The following ROCK2 variants were observed in gnomAD, a reference collection of about 807,000 sequenced individuals.
The protein encoded by ROCK2 is Rho associated coiled-coil containing protein kinase 2, also known as rho-associated protein kinase 2.
In ROCK2, 61 loss-of-function variants were observed where a neutral mutation model predicts 195.1. The observed-to-expected ratio is 0.31, with a 90% CI of 0.25 to 0.39. The LOEUF is 0.39. Ranked by LOEUF, ROCK2 falls within the 10% of genes least tolerant of loss-of-function variation. ROCK2 has a pLI of 1.00. For missense variants in ROCK2, 1,109 were observed against 1,637.4 expected, an observed-to-expected ratio of 0.68 and a Z score of 5.57; for synonymous variants, 504 against 545.5, an observed-to-expected ratio of 0.92 and a Z score of 1.06.
chr2:11,222,952 C>T (rs1456718261), intron 7 of ROCK2, among the ~76,000 whole-genome samples: 1 of 152,132 alleles, frequency 6.6e-6, no homozygotes, highest in East Asian at 1.9e-4. Context: ...ATGAATAACA[C>T]TCCTTTCATT....
chr2:11,214,435 T>C lies in ROCK2; in HGVS notation c.1965A>G (p.Leu655=). The C allele has an allele frequency of 6.2e-7, 1 of 1,608,992 alleles. No homozygotes were observed. Among genetic ancestry groups the C allele is most frequent in the Non-Finnish European group, 8.5e-7 (1 of 1,176,028 alleles). ...QGRICGLEED[L]KNGKILLAKV... is the part of the protein sequence containing the mutation. ...TCGCTAGTAAGATTTTGCCGTTCTT[T>C]AAATCTTCTTCTAGGCCACATATTC... Residue 655 remains leucine, a synonymous_variant, in exon 17 of 33, where the codon TTA becomes TTG. Transcript: ENST00000315872.
intron 17 of ROCK2, among the ~76,000 whole-genome samples, chr2:11,212,837 T>C (rs549220005): frequency 6.6e-6 from 1 of 152,240 alleles, no homozygotes; most frequent in East Asian, 1.9e-4. Context: ...GCTACTTACA[T>C]ACCAATGACT....
chr2:11,220,935 G>A (rs555711706), intron 9 of ROCK2, among the ~76,000 whole-genome samples: 1 of 152,232 alleles, frequency 6.6e-6, no homozygotes, highest in South Asian at 2.1e-4. Flanking sequence ...TCCTTCACGA[G>A]ATGACAAGCT....
At chr2:11,229,104 G>C (rs899990510) in intron 5 of ROCK2, among the ~76,000 whole-genome samples, 1 of 152,056 alleles carries the variant, frequency 6.6e-6, no homozygotes, top group Non-Finnish European at 1.5e-5. Context: ...ACTTGGGTAG[G>C]ACTAAAGATT....
At chr2:11,241,231 C>A (rs1044383772) in intron 4 of ROCK2, among the ~76,000 whole-genome samples, 1 of 151,990 alleles carries the variant, frequency 6.6e-6, no homozygotes, top group Non-Finnish European at 1.5e-5. Context: ...GAAGTTAGAG[C>A]AGATACTGTA....
chr2:11,340,856 T>C (rs1405624448), intron 1 of ROCK2, among the ~76,000 whole-genome samples: 1 of 152,204 alleles, frequency 6.6e-6, no homozygotes, highest in African/African-American at 2.4e-5. Context: ...TACCCAAGCG[T>C]GAGTCCTACA....
chr2:11,288,742 GGGGGAAAACAT>G (rs1011737274), intron 1 of ROCK2, among the ~76,000 whole-genome samples: 12 of 147,478 alleles, frequency 8.1e-5, no homozygotes, highest in African/African-American at 2.4e-4. Context: ...GACTTGGATA[GGGGGAAAACAT>G]GGGGAAAATT....
At position 11,208,427 on chromosome 2, in the gene ROCK2, C is replaced by A; in HGVS notation, c.2224G>T (p.Glu742Ter). The change falls in exon 19 of 33, where the codon GAG becomes TAG. Residue 742 changes from glutamate to a stop codon, truncating the protein, a stop_gained. Coordinates refer to ENST00000315872, the MANE Select transcript of ROCK2 (RefSeq NM_004850.5). LOFTEE classifies it high-confidence loss of function. ...ACTTTCTGTTTTAAAGTTCTTTCCT[C>A]CAAGAGCTTCTTCTCCATTTCTAGT... is the stretch of plus-strand genomic sequence containing the variant. ...AMKEMEKKLL[E>*]ERTLKQKVEN... 6.6e-7 allele frequency: 1 copy of A among 1,513,914 alleles called. No homozygotes were observed. Among genetic ancestry groups the A allele is most frequent in the South Asian group, 1.4e-5 (1 of 72,664 alleles). The allele number at this position is 1,513,914 out of a possible 1,614,324, so 93.8% of individuals were successfully genotyped here. A position where few individuals can be genotyped will look rare whatever the true frequency, so the allele number is the denominator to read the frequency against.
At chr2:11,323,629 T>A (rs920829846) in intron 1 of ROCK2, among the ~76,000 whole-genome samples, 1 of 152,180 alleles carries the variant, frequency 6.6e-6, no homozygotes, top group African/African-American at 2.4e-5. Context: ...CATATTTGAA[T>A]TCGTAAGTAT....
chr2:11,215,246 C>A, intron 15 of ROCK2, 75 bp downstream of exon 15: 1 of 1,413,618 alleles, frequency 7.1e-7, no homozygotes, highest in Non-Finnish European at 9.6e-7. Flanking sequence ...CCTTTTGCAA[C>A]ACTGTCAATT....
In ROCK2 at chr2:11,319,975, A is replaced by G. The variant is rs141080360; in HGVS notation, c.141+24021T>C. ...ATTCAGGGTGGATCCAGTGGCTCCAATGATAATCAGGGACCTAAGCTCCTC... is the reference window on the plus strand; with the variant it reads ...ATTCAGGGTGGATCCAGTGGCTCCAGTGATAATCAGGGACCTAAGCTCCTC... On this transcript the variant is annotated intron_variant, in intron 1 of 32. Transcript: ENST00000315872. Among the ~76,000 whole-genome samples, 162 of 152,304 alleles carry G rather than the reference A, an allele frequency of 1.1e-3. 1 individual carries two copies. The highest frequency in any genetic ancestry group is 9.5e-3 in the East Asian group (49 of 5,182).
chr2:11,264,250 T>G (rs373437668), intron 3 of ROCK2, among the ~76,000 whole-genome samples: 1 of 152,020 alleles, frequency 6.6e-6, no homozygotes, highest in Non-Finnish European at 1.5e-5. Flanking sequence ...AAGTGGAAAA[T>G]AGAATGCAAA....
intron 3 of ROCK2, among the ~76,000 whole-genome samples, chr2:11,280,845 A>C (rs1666977888): frequency 6.6e-6 from 1 of 152,230 alleles, no homozygotes; most frequent in Admixed American, 6.5e-5. Flanking sequence ...TTAAAGGAAG[A>C]AATTATCTAT....
chr2:11,242,366 G>T (rs1665456955), intron 4 of ROCK2, among the ~76,000 whole-genome samples: 1 of 152,000 alleles, frequency 6.6e-6, no homozygotes, highest in South Asian at 2.1e-4. Context: ...TACTATAAAA[G>T]GAGTCAGAAG....
At chr2:11,185,242 C>T (rs73915395) in intron 32 of ROCK2, among the ~76,000 whole-genome samples, 3,690 of 152,202 alleles carry the variant, frequency 0.024, 62 homozygotes, top group East Asian at 0.053. Context: ...CCAGTAGGAC[C>T]CTGCCTGCTC....
intron 4 of ROCK2, among the ~76,000 whole-genome samples, chr2:11,240,530 T>C (rs1185797060): frequency 6.6e-6 from 1 of 152,234 alleles, no homozygotes; most frequent in Non-Finnish European, 1.5e-5. Flanking sequence ...TAACATATTG[T>C]ATGATTCCAT....
intron 17 of ROCK2, among the ~76,000 whole-genome samples, chr2:11,213,355 C>G (rs1355037626): frequency 2.0e-5 from 3 of 152,106 alleles, no homozygotes; most frequent in African/African-American, 7.2e-5. Context: ...TATTCGCTAT[C>G]TTGCATGATC....
At chr2:11,278,223 G>T (rs1666890918) in intron 3 of ROCK2, among the ~76,000 whole-genome samples, 1 of 152,080 alleles carries the variant, frequency 6.6e-6, no homozygotes, top group African/African-American at 2.4e-5. Flanking sequence ...CTTTGACAAA[G>T]ATCTCCCTAG....
intron 4 of ROCK2, among the ~76,000 whole-genome samples, chr2:11,238,245 T>TGTGTGTGTGTGTGTGTGTGTGTG (rs11377542): frequency 3.9e-4 from 15 of 38,430 alleles, no homozygotes; most frequent in African/African-American, 9.3e-4. Flanking sequence ...TGTGTGTCTG[T>TGTGTGTGTGTGTGTGTGTGTGTG]TGTGTGTGTC....
Sources: gnomAD v4.1 joint callset for allele counts (sites outside exome capture counted in the v4.1 genomes callset) on GRCh38, gnomAD v4.1.1 for gene constraint, MANE v1.5 for transcripts, NCBI Gene and HGNC (gene_info 2026-07-23, HGNC 2026-07-21) for gene names.